EVI5: variants seen among roughly 807,000 people sequenced by gnomAD.
The protein encoded by EVI5 is ecotropic viral integration site 5.
EVI5 carries 73 observed loss-of-function variants against 112.0 expected under a neutral mutation model. The ratio of observed to expected loss-of-function variants is 0.65; its 90% CI spans 0.54 to 0.79. The LOEUF (loss-of-function observed/expected upper bound fraction) is 0.79. EVI5 is among the 30% of genes least tolerant of loss of function. EVI5 has a pLI of 0.00. For missense variants in EVI5, 900 were observed against 968.8 expected (o/e 0.93, Z 0.94); for synonymous variants, 305 against 319.9 (o/e 0.95, Z 0.50).
chr1:92,688,175 C>T (rs1006620606), intron 9 of EVI5, among the ~76,000 whole-genome samples: 9 of 152,140 alleles, frequency 5.9e-5, no homozygotes, highest in African/African-American at 2.2e-4. Context: ...AAATGTGGCG[C>T]ATATACACCA....
chr1:92,581,693 T>TTAA (rs1553190266), intron 18 of EVI5, among the ~76,000 whole-genome samples: 82 of 148,834 alleles, frequency 5.5e-4, no homozygotes, highest in East Asian at 1.4e-3. Context: ...AGTTTTTGCT[T>TTAA]AAAAAAAAAA....
chr1:92,565,508 T>C (rs943691030), intron 18 of EVI5, among the ~76,000 whole-genome samples: 4 of 152,204 alleles, frequency 2.6e-5, no homozygotes, highest in Non-Finnish European at 5.9e-5. Context: ...AATGGGTTGC[T>C]GTGAAAAGCA....
rs1448076029 is a variant in EVI5, at chr1:92,785,054, G to A, written c.-300C>T. 3 of 985,370 alleles carry A rather than the reference G, an allele frequency of 3.0e-6. No individual in the cohort carries two copies. The highest frequency in any genetic ancestry group is 1.7e-5 in the African/African-American group (1 of 57,216). 61.0% of individuals were successfully genotyped at this position (985,370 alleles called of 1,614,324 possible). On this transcript the variant is annotated 5_prime_UTR_variant, in exon 1 of 20. Coordinates refer to ENST00000684568, the MANE Select transcript of EVI5 (RefSeq NM_001350197.2). The stretch of plus-strand genomic sequence containing the variant: ...CTGTCGGAACTGCAGCCAGCCCCTT[G>A]CCAGCTGGCCAGCTGGTTCCTCCGG...
At chr1:92,583,934 T>C (rs967751600) in intron 18 of EVI5, among the ~76,000 whole-genome samples, 2 of 152,110 alleles carry the variant, frequency 1.3e-5, no homozygotes, top group Non-Finnish European at 2.9e-5. Flanking sequence ...CAGAAACAAT[T>C]AGTAATCTCT....
At position 92,648,697 on chromosome 1, in the gene EVI5, C is replaced by T. The variant is rs189426740; in HGVS notation, c.1393-12361G>A. Among the ~76,000 whole-genome samples the T allele has an allele frequency of 2.0e-5, 3 of 152,054 alleles. No individual in the cohort carries two copies. In the East Asian group the frequency reaches 5.8e-4, roughly 29 times the overall value. On this transcript the variant is annotated intron_variant, in intron 13 of 19. Transcript: ENST00000684568. ...TTTTGGAAGTTTATCTACTTTATAC[C>T]ATATATTAGTACTTCATTCCTTTTT... is the stretch of plus-strand genomic sequence containing the variant.
At chr1:92,603,300 T>TA (rs1316340936) in intron 18 of EVI5, among the ~76,000 whole-genome samples, 2 of 152,182 alleles carry the variant, frequency 1.3e-5, no homozygotes, top group East Asian at 1.9e-4. Flanking sequence ...GGCAATTTCT[T>TA]AAAAAAATTA....
At chr1:92,707,736 A>AG (rs1672232792) in intron 2 of EVI5, among the ~76,000 whole-genome samples, 1 of 152,196 alleles carries the variant, frequency 6.6e-6, no homozygotes, top group African/African-American at 2.4e-5. Context: ...AATTCCTCAT[A>AG]CAGTTGAAAT....
At position 92,547,876 on chromosome 1, in the gene EVI5, G is replaced by A. The variant is rs1666047795; in HGVS notation, c.2166+15766C>T. Among the ~76,000 whole-genome samples the A allele has an allele frequency of 2.6e-5, 4 of 152,156 alleles. No homozygotes were observed. In the South Asian group the frequency reaches 8.3e-4, roughly 31 times the overall value. ...ATTAGTAGCCTACCAACCAAAAAAAGTCCAGGACCAGATGGATTCACAGCC... is the reference window on the plus strand; with the variant it reads ...ATTAGTAGCCTACCAACCAAAAAAAATCCAGGACCAGATGGATTCACAGCC... On this transcript the variant is annotated intron_variant, in intron 19 of 19. Transcript: ENST00000684568.
chr1:92,630,226 C>A (rs896618127), intron 14 of EVI5, among the ~76,000 whole-genome samples: 4 of 152,140 alleles, frequency 2.6e-5, no homozygotes, highest in African/African-American at 9.7e-5. Flanking sequence ...AGTTCTAGAT[C>A]CCTGAGGAAT....
intron 18 of EVI5, among the ~76,000 whole-genome samples, chr1:92,564,392 T>C (rs1669093164): frequency 6.6e-6 from 1 of 152,166 alleles, no homozygotes; most frequent in Non-Finnish European, 1.5e-5. Flanking sequence ...TCCCATATTC[T>C]TTCATTCTTG....
chr1:92,703,853 C>T, intron 3 of EVI5: 1 of 348,546 alleles, frequency 2.9e-6, no homozygotes, highest in Non-Finnish European at 4.9e-6. Context: ...CAGTGTGTGA[C>T]CTCTTAAGGT....
At chr1:92,763,871 G>A (rs1243487216) in intron 1 of EVI5, among the ~76,000 whole-genome samples, 1 of 152,060 alleles carries the variant, frequency 6.6e-6, no homozygotes, top group Non-Finnish European at 1.5e-5. Flanking sequence ...CTAAAGAAAG[G>A]AAGAAAAGAA....
upstream of EVI5, among the ~76,000 whole-genome samples, chr1:92,787,992 G>C (rs1026621391): frequency 7.9e-5 from 12 of 151,648 alleles, no homozygotes; most frequent in African/African-American, 2.7e-4. Context: ...TTAATCTGTG[G>C]TGAAAAAAAA....
intron 1 of EVI5, among the ~76,000 whole-genome samples, chr1:92,791,650 T>C (rs907636086): frequency 3.3e-5 from 5 of 152,096 alleles, no homozygotes; most frequent in Non-Finnish European, 7.4e-5. Context: ...CAATCATAGA[T>C]GCGACGTGAG....
chr1:92,614,048 A>G (rs905641861), intron 16 of EVI5, among the ~76,000 whole-genome samples: 2 of 152,178 alleles, frequency 1.3e-5, no homozygotes, highest in Non-Finnish European at 2.9e-5. Flanking sequence ...AACAGCTCCT[A>G]CTCTAAAAAT....
intron 1 of EVI5, among the ~76,000 whole-genome samples, chr1:92,774,464 G>C (rs898205147): frequency 2.0e-5 from 3 of 152,138 alleles, no homozygotes; most frequent in Non-Finnish European, 2.9e-5. Flanking sequence ...ATAATCATTT[G>C]AGCACCAACT....
chr1:92,551,046 T>C (rs1399855737), intron 19 of EVI5, among the ~76,000 whole-genome samples: 3 of 117,084 alleles, frequency 2.6e-5, no homozygotes, highest in South Asian at 6.2e-4. Context: ...CTTTCTTTTT[T>C]TTTTTTTTTT....
chr1:92,567,948 G>A (rs1362177067), intron 18 of EVI5, among the ~76,000 whole-genome samples: 2 of 152,166 alleles, frequency 1.3e-5, no homozygotes, highest in Non-Finnish European at 1.5e-5. Context: ...AACTGCCAGA[G>A]AAAAGGCTGA....
rs1432815391 is a variant in EVI5, at chr1:92,509,876, CTAAG to C, written c.*3776_*3779del. 1 of 152,150 alleles carries C rather than the reference CTAAG, an allele frequency of 6.6e-6. No homozygotes were observed. Among genetic ancestry groups the C allele is most frequent in the East Asian group, 1.9e-4 (1 of 5,196 alleles). The allele number at this position is 152,150 out of a possible 1,614,324, so 9.4% of individuals were successfully genotyped here. On this transcript the variant is annotated 3_prime_UTR_variant, in exon 20 of 20. Transcript: ENST00000684568. ...TTTTCTCCCCTGAATATACTCAACTCTAAGTGTTTAACTTAATAACATTCAAATA... is the reference window on the plus strand; with the variant it reads ...TTTTCTCCCCTGAATATACTCAACTCTGTTTAACTTAATAACATTCAAATA...
Sources: gnomAD v4.1 joint callset for allele counts (sites outside exome capture counted in the v4.1 genomes callset) on GRCh38, gnomAD v4.1.1 for gene constraint, MANE v1.5 for transcripts, NCBI Gene and HGNC (gene_info 2026-07-23, HGNC 2026-07-21) for gene names.